Variants in TMTC2 observed in about 807,000 individuals in gnomAD.
The protein encoded by TMTC2 is protein O-mannosyl-transferase TMTC2.
Under a neutral mutation model 82.4 loss-of-function variants are expected in TMTC2, and 43 were observed. That is an observed-to-expected ratio of 0.52 (90% confidence interval 0.41 to 0.67). The LOEUF (loss-of-function observed/expected upper bound fraction) is 0.67, where lower values mean the gene tolerates loss of function less well. Ranked by LOEUF, TMTC2 falls within the 30% of genes least tolerant of loss-of-function variation. The pLI, the probability that TMTC2 is intolerant of heterozygous loss-of-function variation, is 0.00. For missense variants in TMTC2, 919 were observed against 1,012.4 expected, an observed-to-expected ratio of 0.91 and a Z score of 1.25; for synonymous variants, 408 against 381.9, an observed-to-expected ratio of 1.07 and a Z score of -0.80.
intron 11 of TMTC2, among the ~76,000 whole-genome samples, chr12:83,090,263 A>T (rs1379648615): frequency 1.3e-5 from 2 of 152,192 alleles, no homozygotes; most frequent in African/African-American, 2.4e-5. Context: ...GTGAAGGAGA[A>T]AAGAAAGAAA....
intron 3 of TMTC2, among the ~76,000 whole-genome samples, chr12:82,905,278 A>G (rs1874231919): frequency 6.6e-6 from 1 of 152,178 alleles, no homozygotes; most frequent in Non-Finnish European, 1.5e-5. Flanking sequence ...ACATAAAATA[A>G]TTGTAGTATA....
intron 1 of TMTC2, among the ~76,000 whole-genome samples, chr12:82,817,780 T>G (rs545102512): frequency 1.8e-4 from 28 of 152,332 alleles, no homozygotes; most frequent in African/African-American, 6.3e-4. Context: ...ATGACCTTGA[T>G]AATTGTTGTC....
chr12:83,030,786 C>T lies in TMTC2; in HGVS notation c.2071-12C>T, dbSNP rs1881398229. 1.9e-6 allele frequency: 3 copies of T among 1,606,998 alleles called. No individual in the cohort carries two copies. Among genetic ancestry groups the T allele is most frequent in the Non-Finnish European group, 2.6e-6 (3 of 1,173,802 alleles). On this transcript the variant is annotated splice_polypyrimidine_tract_variant and intron_variant, in intron 8 of 11. Coordinates refer to ENST00000321196, the MANE Select transcript of TMTC2 (RefSeq NM_152588.3). ...TCTGTTCCTGAATCATCCATTTTCT[C>T]TGTTTTTCAAGGGTCGTAAGAGTGA...
chr12:82,877,601 C>T (rs1872645418), intron 2 of TMTC2, among the ~76,000 whole-genome samples: 1 of 152,132 alleles, frequency 6.6e-6, no homozygotes, highest in Admixed American at 6.5e-5. Flanking sequence ...TCATTTCCTC[C>T]CCTTACCTGT....
intron 1 of TMTC2, among the ~76,000 whole-genome samples, chr12:82,717,566 C>T (rs1199610412): frequency 5.3e-5 from 8 of 151,984 alleles, no homozygotes; most frequent in Non-Finnish European, 8.8e-5. Context: ...GTACTGTAAG[C>T]GTCTTATCTT....
At chr12:82,765,729 A>G (rs1276237715) in intron 1 of TMTC2, among the ~76,000 whole-genome samples, 1 of 152,082 alleles carries the variant, frequency 6.6e-6, no homozygotes, top group Non-Finnish European at 1.5e-5. Flanking sequence ...AAAAACAAAG[A>G]AAAAACAGGT....
chr12:82,845,528 C>T (rs1354257335), intron 1 of TMTC2, among the ~76,000 whole-genome samples: 1 of 151,764 alleles, frequency 6.6e-6, no homozygotes, highest in African/African-American at 2.4e-5. Flanking sequence ...TTTCTAATTT[C>T]AAATCTGGAA....
At chr12:83,001,635 C>CAAAAAA (rs34467744) in intron 8 of TMTC2, among the ~76,000 whole-genome samples, 39 of 92,986 alleles carry the variant, frequency 4.2e-4, no homozygotes, top group East Asian at 1.1e-3. Context: ...AACTCTGTCT[C>CAAAAAA]AAAAAAAAAA....
chr12:82,958,354 C>CAAAAAAA lies in TMTC2; in HGVS notation c.1599-6660_1599-6654dup, dbSNP rs750819932. Among the ~76,000 whole-genome samples, 75 of 19,892 alleles carry CAAAAAAA rather than the reference C, an allele frequency of 3.8e-3. 3 individuals are homozygous for CAAAAAAA. The highest frequency in any genetic ancestry group is 0.016 in the African/African-American group (68 of 4,200). 13.0% of individuals were successfully genotyped at this position (19,892 alleles called of 152,430 possible). A position where few individuals can be genotyped will look rare whatever the true frequency, so the allele number is the denominator to read the frequency against. On this transcript the variant is annotated intron_variant, in intron 4 of 11. Coordinates refer to ENST00000321196, the MANE Select transcript of TMTC2 (RefSeq NM_152588.3). Reference sequence around the variant, plus strand: ...TAGGTGACAGAGCAAGAGTCTGTCTCAAAAAAAAAAAAAAAACAAAAAAAA... The same window carrying CAAAAAAA: ...TAGGTGACAGAGCAAGAGTCTGTCTCAAAAAAAAAAAAAAAAAAAAAAACAAAAAAAA...
intron 11 of TMTC2, among the ~76,000 whole-genome samples, chr12:83,105,166 C>T (rs566734561): frequency 6.6e-6 from 1 of 152,310 alleles, no homozygotes; most frequent in South Asian, 2.1e-4. Flanking sequence ...ACCATCAGCA[C>T]TTTGGTCACA....
At chr12:83,080,181 A>G (rs952324798) in intron 11 of TMTC2, among the ~76,000 whole-genome samples, 8 of 152,206 alleles carry the variant, frequency 5.3e-5, no homozygotes, top group Non-Finnish European at 8.8e-5. Context: ...CTATAGTACC[A>G]CATCATTACT....
At chr12:82,687,939 T>G (rs1264658766) in intron 1 of TMTC2, among the ~76,000 whole-genome samples, 1 of 152,144 alleles carries the variant, frequency 6.6e-6, no homozygotes, top group East Asian at 1.9e-4. Context: ...TTAGCGGAAA[T>G]CCCGGCAATT....
intron 1 of TMTC2, among the ~76,000 whole-genome samples, chr12:82,791,859 A>AC (rs1321445856): frequency 1.3e-5 from 2 of 152,130 alleles, no homozygotes; most frequent in African/African-American, 4.8e-5. Context: ...GGCATGGAGG[A>AC]CCTTTGATAA....
At chr12:82,827,831 C>T (rs933167421) in intron 1 of TMTC2, among the ~76,000 whole-genome samples, 9 of 151,696 alleles carry the variant, frequency 5.9e-5, no homozygotes, top group African/African-American at 2.2e-4. Context: ...CCAAGTTGTT[C>T]GGACTATGGA....
chr12:83,097,332 A>G (rs1226547777), intron 11 of TMTC2, among the ~76,000 whole-genome samples: 1 of 152,204 alleles, frequency 6.6e-6, no homozygotes, highest in African/African-American at 2.4e-5. Flanking sequence ...TCACACATGC[A>G]AACACAAATG....
At chr12:83,056,664 TA>T (rs1882556036) in intron 10 of TMTC2, among the ~76,000 whole-genome samples, 1 of 151,686 alleles carries the variant, frequency 6.6e-6, no homozygotes, top group Non-Finnish European at 1.5e-5. Flanking sequence ...CTCTGGACCA[TA>T]CATTTTCTTC....
chr12:82,942,888 T>G (rs1443270180), intron 4 of TMTC2, among the ~76,000 whole-genome samples: 6 of 152,190 alleles, frequency 3.9e-5, no homozygotes, highest in African/African-American at 1.2e-4. Flanking sequence ...TATTGCAGGT[T>G]TTATGCTGTT....
At chr12:82,969,664 A>G (rs1199733822) in intron 7 of TMTC2, among the ~76,000 whole-genome samples, 1 of 152,194 alleles carries the variant, frequency 6.6e-6, no homozygotes, top group African/African-American at 2.4e-5. Flanking sequence ...CTGTATTAAT[A>G]GAAAATAACA....
At chr12:83,076,440 C>T (rs1169587765) in intron 11 of TMTC2, among the ~76,000 whole-genome samples, 2 of 152,150 alleles carry the variant, frequency 1.3e-5, no homozygotes, top group Non-Finnish European at 2.9e-5. Flanking sequence ...GGAGTTATAG[C>T]TATAATTGTT....
Sources: gnomAD v4.1 joint callset for allele counts (sites outside exome capture counted in the v4.1 genomes callset) on GRCh38, gnomAD v4.1.1 for gene constraint, MANE v1.5 for transcripts, NCBI Gene and HGNC (gene_info 2026-07-23, HGNC 2026-07-21) for gene names.